Variants in ACTR3C observed in about 807,000 individuals in gnomAD.
ACTR3C encodes actin-related protein 3C.
A neutral mutation model predicts 26.3 loss-of-function variants in ACTR3C; 18 were observed. That is an observed-to-expected ratio of 0.68 (90% confidence interval 0.47 to 1.01). ACTR3C has a LOEUF of 1.01. ACTR3C is among the 50% of genes least tolerant of loss of function. The probability of loss-of-function intolerance (pLI) is 0.00; values close to 1 mark genes in which losing one functional copy is unlikely to be tolerated. For missense variants in ACTR3C, 184 were observed against 250.7 expected, an observed-to-expected ratio of 0.73 and a Z score of 1.80; for synonymous variants, 55 against 94.5, an observed-to-expected ratio of 0.58 and a Z score of 2.42.
At chr7:150,133,260 G>A in the ACTR3C span, among the ~76,000 whole-genome samples, 3 of 152,196 alleles carry the variant, frequency 2.0e-5, no homozygotes, top group Admixed American at 1.3e-4. Context: ...AAACACTCCC[G>A]AGGTCAGCTA....
At chr7:150,099,155 G>A in the ACTR3C span, among the ~76,000 whole-genome samples, 3 of 145,344 alleles carry the variant, frequency 2.1e-5, no homozygotes, top group Non-Finnish European at 3.0e-5. Flanking sequence ...GCCCGAGGGT[G>A]GGGAGGCAGA....
At chr7:150,037,347 T>G in the ACTR3C span, among the ~76,000 whole-genome samples, 8 of 35,758 alleles carry the variant, frequency 2.2e-4, no homozygotes, top group African/African-American at 3.1e-4. Context: ...GGGAAGAGGG[T>G]CTGGCTCTCA....
At chr7:149,966,424 C>T in the ACTR3C span, among the ~76,000 whole-genome samples, 1 of 152,210 alleles carries the variant, frequency 6.6e-6, no homozygotes, top group Non-Finnish European at 1.5e-5. Context: ...TCATGGCATC[C>T]AGCACTCAAG....
At chr7:149,927,920 G>A in the ACTR3C span, among the ~76,000 whole-genome samples, 1 of 152,074 alleles carries the variant, frequency 6.6e-6, no homozygotes, top group Non-Finnish European at 1.5e-5. Flanking sequence ...CCGGTGTGTG[G>A]TATTCTGTTA....
At chr7:150,018,396 C>T in the ACTR3C span, among the ~76,000 whole-genome samples, 1 of 148,670 alleles carries the variant, frequency 6.7e-6, no homozygotes, top group Non-Finnish European at 1.5e-5. Context: ...GAGATACCCT[C>T]AATGTTTTGA....
chr7:149,888,221 CT>C, the ACTR3C span, among the ~76,000 whole-genome samples: 1 of 150,906 alleles, frequency 6.6e-6, no homozygotes, highest in East Asian at 2.0e-4. Context: ...GTCCACCCCC[CT>C]ATTAATGACC....
intron 6 of ACTR3C, among the ~76,000 whole-genome samples, chr7:150,251,956 G>C (rs1468629922): frequency 6.6e-6 from 1 of 152,150 alleles, no homozygotes; most frequent in Non-Finnish European, 1.5e-5. Context: ...CTAACCCTGT[G>C]TTTTCCATAG....
the ACTR3C span, among the ~76,000 whole-genome samples, chr7:150,144,366 T>G: frequency 1.2e-4 from 19 of 152,312 alleles, no homozygotes; most frequent in South Asian, 3.9e-3. This position sits in a 1 kb window ranked among gnomAD's most constrained non-coding sequence, Gnocchi z 4.6. Flanking sequence ...TAGAAGGTAA[T>G]TTATTTGAAA....
the ACTR3C span, among the ~76,000 whole-genome samples, chr7:150,115,310 A>T: frequency 6.6e-6 from 1 of 152,238 alleles, no homozygotes; most frequent in African/African-American, 2.4e-5. Flanking sequence ...GACCTGGAAG[A>T]ATGGGAGTCT....
chr7:149,944,564 T>A, the ACTR3C span, among the ~76,000 whole-genome samples: 4 of 150,268 alleles, frequency 2.7e-5, no homozygotes, highest in African/African-American at 5.0e-5. Context: ...GATGGTAACA[T>A]GCAATGTGAA....
At chr7:150,145,145 G>A in the ACTR3C span, among the ~76,000 whole-genome samples, 3 of 151,890 alleles carry the variant, frequency 2.0e-5, no homozygotes, top group Non-Finnish European at 2.9e-5. Context: ...GGAGTTTGGG[G>A]ATCAAATGAT....
the ACTR3C span, among the ~76,000 whole-genome samples, chr7:150,203,454 C>T: frequency 2.6e-5 from 4 of 152,208 alleles, no homozygotes; most frequent in Admixed American, 1.3e-4. Flanking sequence ...TCAACTCTGC[C>T]GTGAATCCTT....
chr7:150,090,977 C>T, the ACTR3C span, among the ~76,000 whole-genome samples: 1 of 152,052 alleles, frequency 6.6e-6, no homozygotes, highest in East Asian at 1.9e-4. Flanking sequence ...CAGAGCAGAA[C>T]AAAGGGCACC....
intron 6 of ACTR3C, among the ~76,000 whole-genome samples, chr7:150,258,022 G>C (rs1184593372): frequency 6.6e-6 from 1 of 152,202 alleles, no homozygotes; most frequent in African/African-American, 2.4e-5. Flanking sequence ...AGGGGGTGTG[G>C]CCCACAGGGA....
the ACTR3C span, among the ~76,000 whole-genome samples, chr7:150,009,862 C>T: frequency 4.6e-5 from 7 of 152,226 alleles, no homozygotes; most frequent in Non-Finnish European, 8.8e-5. Flanking sequence ...TTGCTCCCAG[C>T]TACGCTTGCT....
chr7:150,277,680 AG>A (rs1217292952), intron 6 of ACTR3C, among the ~76,000 whole-genome samples: 3 of 152,014 alleles, frequency 2.0e-5, no homozygotes, highest in African/African-American at 7.3e-5. Flanking sequence ...ATAAGCAGCA[AG>A]AACCCTGAAC....
At chr7:149,962,432 T>A in the ACTR3C span, among the ~76,000 whole-genome samples, 4,746 of 152,114 alleles carry the variant, frequency 0.031, 232 homozygotes, top group African/African-American at 0.11. Flanking sequence ...AAGTTCAAGG[T>A]CACATGGACC....
chr7:150,212,057 T>C, the ACTR3C span, among the ~76,000 whole-genome samples: 6 of 147,044 alleles, frequency 4.1e-5, no homozygotes, highest in African/African-American at 1.6e-4. Flanking sequence ...GTCTCCATAA[T>C]AGGAAAATAA....
the ACTR3C span, among the ~76,000 whole-genome samples, chr7:150,198,936 G>T: frequency 2.8e-5 from 4 of 143,800 alleles, no homozygotes; most frequent in East Asian, 2.1e-4. Context: ...GAGGTGGGGG[G>T]GTCAGCCCCC....
Sources: allele counts gnomAD v4.1 joint callset (sites outside exome capture counted in the v4.1 genomes callset), GRCh38; gene constraint gnomAD v4.1.1; non-coding constraint Gnocchi (gnomAD v3.1); transcripts MANE v1.5; gene names NCBI Gene and HGNC (gene_info 2026-07-23, HGNC 2026-07-21).